Variants in MGAT5 observed in about 807,000 individuals in gnomAD.
MGAT5 encodes alpha-1,6-mannosylglycoprotein 6-beta-N-acetylglucosaminyltransferase, also known as alpha-1,6-mannosylglycoprotein 6-beta-N-acetylglucosaminyltransferase A.
Under a neutral mutation model 94.3 loss-of-function variants are expected in MGAT5, and 30 were observed. The ratio of observed to expected loss-of-function variants is 0.32; its 90% CI spans 0.24 to 0.43. The LOEUF is 0.43. Ranked by LOEUF, MGAT5 falls within the 20% of genes least tolerant of loss-of-function variation. MGAT5 has a pLI of 1.00. For missense variants in MGAT5, 691 were observed against 905.5 expected (o/e 0.76, Z 3.04); for synonymous variants, 310 against 322.9 (o/e 0.96, Z 0.43).
intron 10 of MGAT5, among the ~76,000 whole-genome samples, chr2:134,400,998 G>T (rs1683016783): frequency 6.6e-6 from 1 of 151,938 alleles, no homozygotes. Context: ...AACCAGAGTG[G>T]CTCCAGGCCC....
chr2:134,249,239 T>A (rs1048988851), upstream of MGAT5, among the ~76,000 whole-genome samples: 13 of 151,186 alleles, frequency 8.6e-5, no homozygotes, highest in African/African-American at 2.7e-4. Context: ...TTTTAACAGT[T>A]TTTTTTTTGA....
chr2:134,157,122 G>A (rs1356955505), intron 1 of MGAT5, among the ~76,000 whole-genome samples: 1 of 152,152 alleles, frequency 6.6e-6, no homozygotes, highest in East Asian at 1.9e-4. Flanking sequence ...ATCATATTGG[G>A]TTTAGAATGG....
chr2:134,400,116 T>C (rs1682948321), intron 10 of MGAT5, among the ~76,000 whole-genome samples: 1 of 152,126 alleles, frequency 6.6e-6, no homozygotes, highest in African/African-American at 2.4e-5. Context: ...TAATTCGACA[T>C]GTGTGTCCAT....
chr2:134,237,111 TAGA>T (rs746599012), intron 1 of MGAT5, among the ~76,000 whole-genome samples: 4 of 95,462 alleles, frequency 4.2e-5, no homozygotes, highest in Admixed American at 4.2e-4. Flanking sequence ...GTAGGTTATG[TAGA>T]AGGAGTATAT....
chr2:134,437,132 G>A (rs1305415411), intron 14 of MGAT5, among the ~76,000 whole-genome samples: 1 of 152,154 alleles, frequency 6.6e-6, no homozygotes, highest in African/African-American at 2.4e-5. Context: ...GGGATTACAG[G>A]CGCGCGCCAC....
chr2:134,359,230 G>T (rs1017992333), intron 9 of MGAT5, among the ~76,000 whole-genome samples: 7 of 152,164 alleles, frequency 4.6e-5, no homozygotes, highest in Non-Finnish European at 7.3e-5. Flanking sequence ...CTCTACCTTA[G>T]AACATTATTT....
At chr2:134,229,573 T>G (rs1224284001) in intron 1 of MGAT5, among the ~76,000 whole-genome samples, 1 of 152,258 alleles carries the variant, frequency 6.6e-6, no homozygotes, top group Non-Finnish European at 1.5e-5. Context: ...TATGCCCATA[T>G]ATGTTAAAAA....
chr2:134,447,065 A>G (rs1266690176), intron 15 of MGAT5, among the ~76,000 whole-genome samples: 1 of 152,226 alleles, frequency 6.6e-6, no homozygotes, highest in Non-Finnish European at 1.5e-5. Context: ...ACACATACAC[A>G]TATGCATACG....
chr2:134,444,286 A>T lies in MGAT5; in HGVS notation c.2027+2371A>T, dbSNP rs564760006. 6.6e-5 allele frequency among the ~76,000 whole-genome samples: 10 copies of T among 152,238 alleles called. No individual in the cohort carries two copies. In the South Asian group the frequency reaches 2.1e-3, roughly 32 times the overall value. On this transcript the variant is annotated intron_variant, in intron 15 of 15. Transcript: ENST00000281923. ...CCTCCCCACCTCCGTATCCATGCAG[A>T]GTTCACGAGAGCAAAAGGACTTGGC...
At chr2:134,147,609 AAG>A (rs1686980508) in intron 1 of MGAT5, among the ~76,000 whole-genome samples, 1 of 150,644 alleles carries the variant, frequency 6.6e-6, no homozygotes, top group African/African-American at 2.5e-5. Flanking sequence ...AAAAAAAAAA[AAG>A]AAAAGAAAAA....
intron 1 of MGAT5, among the ~76,000 whole-genome samples, chr2:134,238,039 G>A (rs888857440): frequency 7.9e-5 from 12 of 151,958 alleles, no homozygotes; most frequent in Non-Finnish European, 8.8e-5. Context: ...GTGAGCCACT[G>A]CGCCCGGCCT....
chr2:134,190,963 A>T lies in MGAT5; in HGVS notation c.-142-63299A>T, dbSNP rs181972276. On this transcript the variant is annotated intron_variant, in intron 1 of 16. Coordinates refer to the MGAT5 transcript ENST00000409645. Reference sequence around the variant, plus strand: ...TGCACCCAGTCAGCTATTTAAAAAAATTTTTTTAGAGACAGAATCTTGCCA... The same window carrying T: ...TGCACCCAGTCAGCTATTTAAAAAATTTTTTTTAGAGACAGAATCTTGCCA... 1.2e-4 allele frequency among the ~76,000 whole-genome samples: 18 copies of T among 151,402 alleles called. No homozygotes were observed. The East Asian group carries it at 3.1e-3, about 26-fold the overall frequency.
rs1687144632 is a variant in MGAT5 at position 134,318,659 on chromosome 2, G to A, written c.493G>A (p.Asp165Asn). The change falls in exon 4 of 16, where the codon GAC becomes AAC. Residue 165 changes from aspartate (D) to asparagine (N), a missense_variant. Asp to Asn is a conservative substitution (Grantham distance 23, BLOSUM62 1). This residue lies in a region of MGAT5 where 307 missense variants were observed against 335.4 expected (regional missense o/e 0.92). Coordinates refer to ENST00000281923, the MANE Select transcript of MGAT5 (RefSeq NM_002410.5). ...HCEGKIKWMK[D>N]MWRSDPCYAD... ...GTTCTTCTTGTTTCAGTGGATGAAAGACATGTGGCGTTCAGATCCCTGCTA... is the reference window on the plus strand; with the variant it reads ...GTTCTTCTTGTTTCAGTGGATGAAAAACATGTGGCGTTCAGATCCCTGCTA... 3.1e-6 allele frequency: 5 copies of A among 1,613,062 alleles called. No homozygotes were observed. The highest frequency in any genetic ancestry group is 4.2e-6 in the Non-Finnish European group (5 of 1,179,156).
At chr2:134,221,844 C>T (rs2593708) in intron 1 of MGAT5, among the ~76,000 whole-genome samples, 76,223 of 151,748 alleles carry the variant, frequency 0.5, 20,097 homozygotes, top group African/African-American at 0.65. Flanking sequence ...ACCTTTCAGA[C>T]AGGAATTTGG....
Position 134,322,181 on chromosome 2 carries a change from GT to G in MGAT5, c.573+3446del, listed in dbSNP as rs5834406. Among the ~76,000 whole-genome samples, 1,610 of 152,200 alleles carry G rather than the reference GT, an allele frequency of 0.011. 42 individuals carry two copies. The East Asian group carries it at 0.12, about 11-fold the overall frequency. On this transcript the variant is annotated intron_variant, in intron 4 of 15. Coordinates refer to ENST00000281923, the MANE Select transcript of MGAT5 (RefSeq NM_002410.5). ...AATAAGCATAACTGACACTTCCGTG[GT>G]TTTAAATGTTGTGATCTTTTTGGAA...
At chr2:134,359,100 TCTC>T (rs2106097953) in intron 9 of MGAT5, among the ~76,000 whole-genome samples, 1 of 152,320 alleles carries the variant, frequency 6.6e-6, no homozygotes, top group East Asian at 1.9e-4. Flanking sequence ...GTTTGGCAAA[TCTC>T]CTGCAGTTTT....
chr2:134,215,464 C>T lies in MGAT5; in HGVS notation c.-142-38798C>T, dbSNP rs77532663. 5.8e-3 allele frequency among the ~76,000 whole-genome samples: 890 copies of T among 152,168 alleles called. 42 individuals are homozygous for T. In the East Asian group the frequency reaches 0.13, roughly 23 times the overall value. ...GCGAGGGCCTCATGCTGCATCAAGA[C>T]GTGGTGGAAAAATGGAAGAGGAACA... On this transcript the variant is annotated intron_variant, in intron 1 of 16. Coordinates refer to the MGAT5 transcript ENST00000409645.
At chr2:134,325,215 C>T (rs1332202045) in intron 4 of MGAT5, among the ~76,000 whole-genome samples, 1 of 152,040 alleles carries the variant, frequency 6.6e-6, no homozygotes, top group African/African-American at 2.4e-5. Flanking sequence ...ACAAGACTTG[C>T]CAAAACCCAA....
At chr2:134,436,632 C>A (rs1685175990) in intron 14 of MGAT5, among the ~76,000 whole-genome samples, 1 of 152,182 alleles carries the variant, frequency 6.6e-6, no homozygotes, top group African/African-American at 2.4e-5. Flanking sequence ...ACCTGAGGTG[C>A]AAGGTGTCCA....
Sources: allele counts gnomAD v4.1 joint callset (sites outside exome capture counted in the v4.1 genomes callset), GRCh38; gene constraint gnomAD v4.1.1; regional missense constraint gnomAD v4.1.1; transcripts MANE v1.5; gene names NCBI Gene and HGNC (gene_info 2026-07-23, HGNC 2026-07-21).